NDC1: variants seen among roughly 807,000 people sequenced by gnomAD.
NDC1 encodes nucleoporin NDC1.
Under a neutral mutation model 89.8 loss-of-function variants are expected in NDC1, and 24 were observed. The observed-to-expected ratio is 0.27, with a 90% confidence interval of 0.19 to 0.38. NDC1 has a LOEUF of 0.38. Among genes scored for constraint, NDC1 ranks in the 10% least tolerant of loss-of-function variants. NDC1 has a pLI of 1.00. For synonymous variants in NDC1, 296 were observed against 284.8 expected (o/e 1.04, Z -0.39); for missense variants, 728 against 797.6 (o/e 0.91, Z 1.05).
rs71063882 is a variant in NDC1, at chr1:53,784,790, C to CA, written c.1800+2367dup. ...TGGGCGAAAGAGCGAGACTCTGTCT[C>CA]AAAAAAAAAAAACATAAATCAGCTG... On this transcript the variant is annotated intron_variant, in intron 16 of 17. Coordinates refer to ENST00000371429, the MANE Select transcript of NDC1 (RefSeq NM_018087.5). Among the ~76,000 whole-genome samples the CA allele has an allele frequency of 3.4e-3, 464 of 135,278 alleles. 1 individual carries two copies. Among genetic ancestry groups the CA allele is most frequent in the African/African-American group, 4.1e-3 (150 of 36,756 alleles). The allele number at this position is 135,278 out of a possible 152,430, so 88.7% of individuals were successfully genotyped here. A position where few individuals can be genotyped will look rare whatever the true frequency, so the allele number is the denominator to read the frequency against.
chr1:53,796,580 T>TA (rs57490546), intron 13 of NDC1, 109 bp downstream of exon 13: 6,799 of 430,544 alleles, frequency 0.016, no homozygotes, highest in South Asian at 0.025. Context: ...ACACGAAGCA[T>TA]AAAAAAAAAA....
At chr1:53,809,629 G>A in intron 7 of NDC1, 66 bp downstream of exon 7, 2 of 1,222,672 alleles carry the variant, frequency 1.6e-6, no homozygotes, top group South Asian at 1.3e-5. Flanking sequence ...CAAAATATCT[G>A]GAAAATAGCA....
chr1:53,820,089 T>C (rs1648613565), intron 5 of NDC1, among the ~76,000 whole-genome samples: 1 of 152,054 alleles, frequency 6.6e-6, no homozygotes, highest in Non-Finnish European at 1.5e-5. Context: ...ACCCCGTCTC[T>C]ACTACAAATA....
chr1:53,776,706 T>C (rs1570157157), intron 16 of NDC1, among the ~76,000 whole-genome samples: 1 of 152,162 alleles, frequency 6.6e-6, no homozygotes, highest in African/African-American at 2.4e-5. Flanking sequence ...CCCTTTACCA[T>C]GTGGACAGAA....
rs951989476 is a variant in NDC1, at chr1:53,765,523, C to T, written c.*2447G>A. On this transcript the variant is annotated 3_prime_UTR_variant, in exon 18 of 18. Coordinates refer to ENST00000371429, the MANE Select transcript of NDC1 (RefSeq NM_018087.5). ...ATTTTTCTACCCAATCCAGTATCAA[C>T]GATATACAAAAGGATATAAACAGAC... is the stretch of plus-strand genomic sequence containing the variant. The T allele has an allele frequency of 1.3e-5, 2 of 151,746 alleles. No individual in the cohort carries two copies. Among genetic ancestry groups the T allele is most frequent in the African/African-American group, 2.4e-5 (1 of 41,274 alleles). 9.4% of individuals were successfully genotyped at this position (151,746 alleles called of 1,614,324 possible). A position where few individuals can be genotyped will look rare whatever the true frequency, so the allele number is the denominator to read the frequency against.
In NDC1 at chr1:53,807,768, G is replaced by A; in HGVS notation, c.779C>T (p.Thr260Ile). The change falls in exon 8 of 18, where the codon ACA becomes ATA. Residue 260 changes from threonine to isoleucine, a missense_variant. Coordinates refer to ENST00000371429, the MANE Select transcript of NDC1 (RefSeq NM_018087.5). Reference protein sequence around the residue: ...IDEQVHRPLDTVSGLLNLSLL... With the variant: ...IDEQVHRPLDIVSGLLNLSLL... ...CGAGAGATTTAAGAGGCCACTCACT[G>A]TGTCAAGTGGCCTATGAACCTGCCT... 1 of 1,610,462 alleles carries A rather than the reference G, an allele frequency of 6.2e-7. No homozygotes were observed. Among genetic ancestry groups the A allele is most frequent in the Non-Finnish European group, 8.5e-7 (1 of 1,178,906 alleles).
intron 16 of NDC1, among the ~76,000 whole-genome samples, chr1:53,786,262 G>A (rs1244736837): frequency 6.6e-6 from 1 of 152,052 alleles, no homozygotes; most frequent in African/African-American, 2.4e-5. Flanking sequence ...AGCCCTTAGT[G>A]TTTATAGCTG....
At chr1:53,796,621 C>A in intron 13 of NDC1, 68 bp downstream of exon 13, 40 of 708,704 alleles carry the variant, frequency 5.6e-5, no homozygotes, top group Non-Finnish European at 8.1e-5. Context: ...TGATGACTTA[C>A]TCATGTGAGA....
intron 6 of NDC1, among the ~76,000 whole-genome samples, chr1:53,810,264 CA>C (rs1648258897): frequency 6.6e-6 from 1 of 152,060 alleles, no homozygotes; most frequent in African/African-American, 2.4e-5. Context: ...ATAGCTAAAA[CA>C]GGAAAGTAGT....
At chr1:53,823,823 T>G (rs1037434159) in intron 5 of NDC1, among the ~76,000 whole-genome samples, 1 of 152,156 alleles carries the variant, frequency 6.6e-6, no homozygotes, top group Non-Finnish European at 1.5e-5. Context: ...ACACTCAGAT[T>G]GCAGGGAGGT....
chr1:53,823,651 T>G (rs1462797805), intron 5 of NDC1, among the ~76,000 whole-genome samples: 1 of 152,232 alleles, frequency 6.6e-6, no homozygotes, highest in Non-Finnish European at 1.5e-5. Context: ...ATTTTTAATA[T>G]TCTTAATTTT....
intron 14 of NDC1, among the ~76,000 whole-genome samples, chr1:53,790,219 G>A (rs975034910): frequency 6.6e-6 from 1 of 151,190 alleles, no homozygotes; most frequent in African/African-American, 2.4e-5. Context: ...AGAAAAATTA[G>A]CTGGGCATGG....
In NDC1 at chr1:53,766,231, T is replaced by A. The variant is rs533849325; in HGVS notation, c.*1739A>T. ...GTCAAAGTTCAAAGGAATCATCCTA[T>A]CTTTATTCTCAGAAATCCAATGTTG... is the stretch of plus-strand genomic sequence containing the variant. On this transcript the variant is annotated 3_prime_UTR_variant, in exon 18 of 18. Transcript: ENST00000371429. 6.6e-6 allele frequency: 1 copy of A among 152,322 alleles called. No homozygotes were observed. The highest frequency in any genetic ancestry group is 2.1e-4 in the South Asian group (1 of 4,814). 9.4% of individuals were successfully genotyped at this position (152,322 alleles called of 1,614,324 possible).
chr1:53,787,386 C>A (rs950521492), intron 15 of NDC1, 128 bp from the exon 16 acceptor site: 4 of 576,854 alleles, frequency 6.9e-6, no homozygotes, highest in Non-Finnish European at 1.2e-5. Context: ...CGGTGGCTCA[C>A]ACCTGTAATC....
At chr1:53,793,416 A>C (rs1647586561) in intron 13 of NDC1, 137 bp from the exon 14 acceptor site, 7 of 711,380 alleles carry the variant, frequency 9.8e-6, no homozygotes, top group African/African-American at 1.8e-5. Context: ...AAGAATAATA[A>C]TACTTAAACA....
intron 13 of NDC1, among the ~76,000 whole-genome samples, chr1:53,795,656 C>G (rs1482324278): frequency 6.6e-6 from 1 of 152,138 alleles, no homozygotes; most frequent in Non-Finnish European, 1.5e-5. Flanking sequence ...AAAATACATA[C>G]CTAGACCTTG....
chr1:53,833,655 A>C (rs1649137839), intron 2 of NDC1, among the ~76,000 whole-genome samples: 1 of 152,144 alleles, frequency 6.6e-6, no homozygotes, highest in African/African-American at 2.4e-5. Context: ...GGATGCCCCC[A>C]TGAAATACTA....
At chr1:53,834,490 T>C (rs1478191456) in intron 2 of NDC1, among the ~76,000 whole-genome samples, 1 of 152,178 alleles carries the variant, frequency 6.6e-6, no homozygotes, top group African/African-American at 2.4e-5. Context: ...AGAGTCCAAC[T>C]CCTTGAAAAC....
intron 16 of NDC1, among the ~76,000 whole-genome samples, chr1:53,780,697 A>T (rs933815277): frequency 6.6e-6 from 1 of 152,222 alleles, no homozygotes; most frequent in Admixed American, 6.5e-5. Context: ...GGCTATCTAA[A>T]GAATGTAAAA....
Sources: gnomAD v4.1 joint callset for allele counts (sites outside exome capture counted in the v4.1 genomes callset) on GRCh38, gnomAD v4.1.1 for gene constraint, MANE v1.5 for transcripts, NCBI Gene and HGNC (gene_info 2026-07-23, HGNC 2026-07-21) for gene names.